Variants in DNAJB5 observed in about 807,000 individuals in gnomAD.
The protein encoded by DNAJB5 is DnaJ heat shock protein family (Hsp40) member B5.
A neutral mutation model predicts 32.6 loss-of-function variants in DNAJB5; 12 were observed. That is an observed-to-expected ratio of 0.37 (90% CI 0.24 to 0.60). The LOEUF is 0.60. Among genes scored for constraint, DNAJB5 ranks in the 20% least tolerant of loss-of-function variants. The probability of loss-of-function intolerance (pLI) is 0.71; values close to 1 mark genes in which losing one functional copy is unlikely to be tolerated. For synonymous variants in DNAJB5, 188 were observed against 212.9 expected (o/e 0.88, Z 1.02); for missense variants, 358 against 554.2 (o/e 0.65, Z 3.55).
chr9:34,993,000 C>T (rs980801310), intron 2 of DNAJB5, 200 bp from the exon 3 acceptor site: 4 of 1,413,422 alleles, frequency 2.8e-6, no homozygotes, highest in Non-Finnish European at 3.7e-6. Flanking sequence ...AGGACGGAAT[C>T]ACAGAATTCT....
chr9:34,991,615 ACC>A, intron 2 of DNAJB5: 2 of 110,012 alleles, frequency 1.8e-5, no homozygotes, highest in South Asian at 6.6e-5. Context: ...ATGGCAGACC[ACC>A]CCCCCCCGCT....
intron 2 of DNAJB5, chr9:34,991,677 C>A (rs371306741): frequency 1.4e-4 from 37 of 260,984 alleles, no homozygotes; most frequent in Middle Eastern, 1.3e-3. Flanking sequence ...TGCCCCCCCC[C>A]CCAACGAGGT....
chr9:34,993,228 G>A lies in DNAJB5; in HGVS notation c.211G>A (p.Ala71Thr), dbSNP rs1827700388. Reference sequence around the variant, plus strand: ...CAAGGAGACCAGTGCTGGTCCAGTGGCTGTGATGGGAAAAGATTATTACAA... The same window carrying A: ...CAAGGAGACCAGTGCTGGTCCAGTGACTGTGATGGGAAAAGATTATTACAA... ...RNKETSAGPV[A>T]VMGKDYYKIL... The change falls in exon 3 of 5, where the codon GCT becomes ACT. Residue 71 changes from alanine to threonine, a missense_variant. Physicochemically the swap from Ala to Thr is moderately conservative, Grantham distance 58 (BLOSUM62 0). Transcript: ENST00000682809. The surrounding 1 kb of genome is among the most constrained non-coding windows in gnomAD (Gnocchi z 4.7). 6.2e-7 allele frequency: 1 copy of A among 1,613,848 alleles called. No homozygotes were observed. The highest frequency in any genetic ancestry group is 8.5e-7 in the Non-Finnish European group (1 of 1,179,934).
At chr9:34,992,874 C>T (rs1054394170) in intron 2 of DNAJB5, 4 of 1,180,722 alleles carry the variant, frequency 3.4e-6, no homozygotes, top group Non-Finnish European at 3.2e-6. Context: ...CATGGTGCCA[C>T]CTCGCTCAGC....
chr9:34,995,871 G>A (rs1827776499), intron 3 of DNAJB5, among the ~76,000 whole-genome samples: 1 of 152,186 alleles, frequency 6.6e-6, no homozygotes, highest in Non-Finnish European at 1.5e-5. Context: ...TGTCTTTGGA[G>A]ATAAGCAAAG....
In DNAJB5 at chr9:34,997,341, C is replaced by T. The variant is rs1563952773; in HGVS notation, c.*82C>T. The T allele has an allele frequency of 7.2e-7, 1 of 1,394,306 alleles. No homozygotes were observed. The allele number at this position is 1,394,306 out of a possible 1,614,324, so 86.4% of individuals were successfully genotyped here. A position where few individuals can be genotyped will look rare whatever the true frequency, so the allele number is the denominator to read the frequency against. On this transcript the variant is annotated 3_prime_UTR_variant, in exon 5 of 5. Transcript: ENST00000682809. This position sits in a 1 kb window ranked among gnomAD's most constrained non-coding sequence, Gnocchi z 4.1. ...CTCAATGTGCACCCAGCTTGATGTC[C>T]ACTGGACACTGGCAACTTTTTCTAA...
chr9:34,989,814 G>A lies in DNAJB5; in HGVS notation c.-150G>A, dbSNP rs1447881675. 8.1e-7 allele frequency: 1 copy of A among 1,232,368 alleles called. No homozygotes were observed. The highest frequency in any genetic ancestry group is 1.0e-6 in the Non-Finnish European group (1 of 988,236). The allele number at this position is 1,232,368 out of a possible 1,614,324, so 76.3% of individuals were successfully genotyped here. On this transcript the variant is annotated 5_prime_UTR_variant, in exon 1 of 5. Coordinates refer to ENST00000682809, the MANE Select transcript of DNAJB5 (RefSeq NM_001349723.3). ...CGGCTGTCTCACGGACCACGGCGGC[G>A]CCCGCAGCTCCTCACCGGTGAGGGC...
At chr9:34,991,685 G>C (rs1472876633) in intron 2 of DNAJB5, 1 of 237,046 alleles carries the variant, frequency 4.2e-6, no homozygotes, top group South Asian at 2.7e-5. Context: ...CCCCCAACGA[G>C]GTGCTCTTTC....
chr9:34,997,014 C>T lies in DNAJB5; in HGVS notation c.1030-12C>T, dbSNP rs777336300. 7 of 1,610,910 alleles carry T rather than the reference C, an allele frequency of 4.3e-6. No individual in the cohort carries two copies. The highest frequency in any genetic ancestry group is 4.5e-5 in the East Asian group (2 of 44,872). On this transcript the variant is annotated splice_polypyrimidine_tract_variant and intron_variant, in intron 4 of 4. Coordinates refer to ENST00000682809, the MANE Select transcript of DNAJB5 (RefSeq NM_001349723.3). This position sits in a 1 kb window ranked among gnomAD's most constrained non-coding sequence, Gnocchi z 4.1. ...CCCACCTTTTCCTCACTTTCTGCTT[C>T]GTCTTTCCCAGGCGCTGTGTGGCTG...
intron 2 of DNAJB5, chr9:34,991,017 CCA>C: frequency 6.6e-6 from 4 of 602,258 alleles, no homozygotes; most frequent in Non-Finnish European, 8.8e-6. Flanking sequence ...TATCCATTTT[CCA>C]CAGACATTTC....
In DNAJB5 at chr9:34,993,704, C is replaced by T. The variant is rs763605589; in HGVS notation, c.427+260C>T. 3.9e-5 allele frequency among the ~76,000 whole-genome samples: 6 copies of T among 152,326 alleles called. No homozygotes were observed. Among genetic ancestry groups the T allele is most frequent in the Middle Eastern group, 3.4e-3 (1 of 294 alleles). ...TGAAGCAAGAGCCAGAGGCCTTCCC[C>T]GCCCTTCTTTCCTTCCCAGCCTTAT... On this transcript the variant is annotated intron_variant, in intron 3 of 4. Transcript: ENST00000682809. This position sits in a 1 kb window ranked among gnomAD's most constrained non-coding sequence, Gnocchi z 4.7.
chr9:34,991,675 C>CCA (rs1554662739), intron 2 of DNAJB5: 20 of 254,374 alleles, frequency 7.9e-5, no homozygotes, highest in East Asian at 3.4e-4. Flanking sequence ...GTTGCCCCCC[C>CCA]CCCCAACGAG....
At chr9:34,995,148 AC>A (rs1461090046) in intron 3 of DNAJB5, among the ~76,000 whole-genome samples, 1 of 152,134 alleles carries the variant, frequency 6.6e-6, no homozygotes, top group Non-Finnish European at 1.5e-5. Flanking sequence ...AAGTCCCTGA[AC>A]CGTCTGCCAC....
chr9:34,989,900 TGGG>T (rs1827571859), intron 1 of DNAJB5, 69 bp downstream of exon 1: 1 of 1,239,144 alleles, frequency 8.1e-7, no homozygotes, highest in Non-Finnish European at 1.0e-6. Flanking sequence ...CTCCTGGTGT[TGGG>T]GGGTTGGGAC....
intron 2 of DNAJB5, chr9:34,992,585 T>G (rs1376794959): frequency 6.4e-6 from 1 of 156,400 alleles, no homozygotes; most frequent in African/African-American, 2.5e-5. Flanking sequence ...CCCTGTGATC[T>G]GAGTCACACG....
rs768553157 is a variant in DNAJB5 at position 34,990,620 on chromosome 9, C to T, written c.-11C>T. ...CGGTGGAGCGATCAGAGGTGAGGGG[C>T]TTGGCTGGGCATGTTTAAGCGCACA... is the stretch of plus-strand genomic sequence containing the variant. On this transcript the variant is annotated 5_prime_UTR_variant, in exon 2 of 5. Transcript: ENST00000682809. The surrounding 1 kb of genome is among the most constrained non-coding windows in gnomAD (Gnocchi z 4.5). 5 of 1,551,398 alleles carry T rather than the reference C, an allele frequency of 3.2e-6. No individual in the cohort carries two copies. The African/African-American group carries it at 5.5e-5, about 17-fold the overall frequency.
intron 2 of DNAJB5, chr9:34,991,617 C>CCA (rs1554662654): frequency 9.2e-6 from 2 of 216,664 alleles, no homozygotes; most frequent in Non-Finnish European, 1.9e-5. Context: ...GGCAGACCAC[C>CCA]CCCCCCCGCT....
intron 3 of DNAJB5, among the ~76,000 whole-genome samples, chr9:34,995,025 C>T (rs1030378423): frequency 2.0e-5 from 3 of 152,112 alleles, no homozygotes; most frequent in Admixed American, 1.3e-4. Context: ...AGCCTCCCTC[C>T]CTCTCTCACT....
At chr9:34,995,775 C>T (rs1034407829) in intron 3 of DNAJB5, among the ~76,000 whole-genome samples, 1 of 152,200 alleles carries the variant, frequency 6.6e-6, no homozygotes, top group Non-Finnish European at 1.5e-5. Flanking sequence ...GTCTTCCTCC[C>T]GGGTTGGATC....
Sources: gnomAD v4.1 joint callset for allele counts (sites outside exome capture counted in the v4.1 genomes callset) on GRCh38, gnomAD v4.1.1 for gene constraint, Gnocchi (gnomAD v3.1) non-coding constraint, MANE v1.5 for transcripts, NCBI Gene and HGNC (gene_info 2026-07-23, HGNC 2026-07-21) for gene names.